Variants in CCDC149 observed in about 807,000 individuals in gnomAD.
CCDC149 encodes coiled-coil domain containing 149.
CCDC149 carries 45 observed loss-of-function variants against 59.9 expected under a neutral mutation model. That is an observed-to-expected ratio of 0.75 (90% CI 0.59 to 0.96). The LOEUF (loss-of-function observed/expected upper bound fraction) is 0.96, where lower values mean the gene tolerates loss of function less well. Ranked by LOEUF, CCDC149 falls within the 40% of genes least tolerant of loss-of-function variation. The pLI is 0.00. For synonymous variants in CCDC149, 245 were observed against 260.6 expected (o/e 0.94, Z 0.58); for missense variants, 584 against 664.7 (o/e 0.88, Z 1.33).
At chr4:24,969,915 C>A (rs182930948) in intron 1 of CCDC149, among the ~76,000 whole-genome samples, 49 of 152,322 alleles carry the variant, frequency 3.2e-4, no homozygotes, top group African/African-American at 1.1e-3. Flanking sequence ...ATGGCCCCTG[C>A]AGTTGACTGT....
intron 1 of CCDC149, among the ~76,000 whole-genome samples, chr4:24,936,514 C>T (rs920527865): frequency 2.8e-4 from 42 of 152,220 alleles, no homozygotes; most frequent in African/African-American, 9.1e-4. Context: ...AAATCAAGGT[C>T]GTTACCATAT....
intron 1 of CCDC149, among the ~76,000 whole-genome samples, chr4:24,882,411 A>G (rs56012859): frequency 0.14 from 21,626 of 152,084 alleles, 2,053 homozygotes; most frequent in Non-Finnish European, 0.21. Flanking sequence ...TCAGTCAAAT[A>G]TTTTCTGGGT....
intron 1 of CCDC149, among the ~76,000 whole-genome samples, chr4:24,948,959 C>T (rs28422939): frequency 0.076 from 11,596 of 152,216 alleles, 1,134 homozygotes; most frequent in African/African-American, 0.23. Flanking sequence ...GTTCATCTTC[C>T]GCCATGATTT....
chr4:24,873,659 T>G (rs1410331881), intron 3 of CCDC149, 22 bp downstream of exon 3: 2 of 1,561,342 alleles, frequency 1.3e-6, no homozygotes, highest in Non-Finnish European at 1.8e-6. Flanking sequence ...TAAAAAAATC[T>G]GAGATCAGAA....
chr4:24,857,319 AGTTAC>A (rs1243927074), intron 3 of CCDC149, among the ~76,000 whole-genome samples: 1 of 152,198 alleles, frequency 6.6e-6, no homozygotes, highest in Non-Finnish European at 1.5e-5. Flanking sequence ...AATAAAAATG[AGTTAC>A]TAGGCAAATA....
At position 24,849,455 on chromosome 4, in the gene CCDC149, G is replaced by C. The variant is rs545930504; in HGVS notation, c.372+3617C>G. 5.9e-5 allele frequency among the ~76,000 whole-genome samples: 9 copies of C among 152,224 alleles called. No homozygotes were observed. In the South Asian group the frequency reaches 8.3e-4, roughly 14 times the overall value. ...GAGCCTAAGAAATTCCTGCGCACTG[G>C]ACAGAGATAGCAGGAGGTAATCAAT... On this transcript the variant is annotated intron_variant, in intron 4 of 12. Coordinates refer to ENST00000635206, the MANE Select transcript of CCDC149 (RefSeq NM_001330643.2).
At chr4:24,820,035 A>C in intron 11 of CCDC149, 60 bp from the exon 12 acceptor site, 2 of 1,246,524 alleles carry the variant, frequency 1.6e-6, no homozygotes, top group South Asian at 2.8e-5. Context: ...GGTTGCATTT[A>C]GTCCCACACA....
chr4:24,937,747 C>A (rs779350199), intron 1 of CCDC149, among the ~76,000 whole-genome samples: 2 of 152,150 alleles, frequency 1.3e-5, no homozygotes, highest in Non-Finnish European at 2.9e-5. Flanking sequence ...CACCTATTGG[C>A]CAGAGTTAGC....
chr4:24,881,651 T>TC (rs1719847508), intron 1 of CCDC149, among the ~76,000 whole-genome samples: 1 of 152,214 alleles, frequency 6.6e-6, no homozygotes, highest in South Asian at 2.1e-4. Context: ...AATGGGACTG[T>TC]CTGGGGGGGA....
intron 12 of CCDC149, among the ~76,000 whole-genome samples, chr4:24,816,565 G>A (rs1258594785): frequency 6.6e-6 from 1 of 152,098 alleles, no homozygotes; most frequent in Non-Finnish European, 1.5e-5. Context: ...AGCTGTGGGT[G>A]TTTTATTTTT....
At chr4:24,874,746 T>C (rs1407828393) in intron 2 of CCDC149, among the ~76,000 whole-genome samples, 1 of 152,238 alleles carries the variant, frequency 6.6e-6, no homozygotes, top group South Asian at 2.1e-4. Context: ...ATCTATTCTA[T>C]TCTATTTCTA....
At chr4:24,874,988 C>T (rs982723270) in intron 2 of CCDC149, among the ~76,000 whole-genome samples, 2 of 152,126 alleles carry the variant, frequency 1.3e-5, no homozygotes, top group African/African-American at 4.8e-5. Context: ...ATGTCCACAC[C>T]GTGTATTACC....
chr4:24,952,500 G>C (rs1560267650), intron 1 of CCDC149, among the ~76,000 whole-genome samples: 1 of 146,710 alleles, frequency 6.8e-6, no homozygotes, highest in Non-Finnish European at 1.5e-5. Context: ...TCTGAGACAG[G>C]AGAATTGCTT....
intron 12 of CCDC149, among the ~76,000 whole-genome samples, chr4:24,815,846 T>G (rs2109096531): frequency 6.6e-6 from 1 of 152,208 alleles, no homozygotes; most frequent in Non-Finnish European, 1.5e-5. Flanking sequence ...AAGCAGTGGG[T>G]GCAGGGGGGT....
At chr4:24,876,460 A>G in intron 2 of CCDC149, 76 bp downstream of exon 2, 3 of 1,464,984 alleles carry the variant, frequency 2.0e-6, no homozygotes, top group African/African-American at 2.8e-5. Flanking sequence ...TTTCTAAAGA[A>G]ACAGCATGTG....
At chr4:24,839,567 T>A (rs1398919342) in intron 4 of CCDC149, among the ~76,000 whole-genome samples, 1 of 152,202 alleles carries the variant, frequency 6.6e-6, no homozygotes, top group African/African-American at 2.4e-5. Context: ...GGAATAAAAT[T>A]GCAGTCTTCC....
chr4:24,970,775 T>C (rs1723944512), intron 1 of CCDC149, among the ~76,000 whole-genome samples: 1 of 152,146 alleles, frequency 6.6e-6, no homozygotes, highest in Non-Finnish European at 1.5e-5. Context: ...TCTCCCCATG[T>C]TGCCCAGACT....
chr4:24,912,927 G>A lies in CCDC149; in HGVS notation c.-48C>T, dbSNP rs763130992. 5.2e-6 allele frequency: 6 copies of A among 1,161,048 alleles called. No individual in the cohort carries two copies. The South Asian group carries it at 7.9e-5, about 15-fold the overall frequency. 71.9% of individuals were successfully genotyped at this position (1,161,048 alleles called of 1,614,324 possible). On this transcript the variant is annotated 5_prime_UTR_variant, in exon 1 of 13. In the 5' UTR this introduces an upstream ATG that the reference lacks. Coordinates refer to ENST00000635206, the MANE Select transcript of CCDC149 (RefSeq NM_001330643.2). The stretch of plus-strand genomic sequence containing the variant: ...CCCGCCGCCTCCTCCTCCTCGCGAC[G>A]TCGCGTCGCCGCCGCCGCCCGGGCC...
At chr4:24,936,966 G>A (rs993166823) in intron 1 of CCDC149, among the ~76,000 whole-genome samples, 11 of 152,196 alleles carry the variant, frequency 7.2e-5, no homozygotes, top group Non-Finnish European at 1.3e-4. Flanking sequence ...CCTGGTTTCC[G>A]AGGTAATTTT....
Sources: gnomAD v4.1 joint callset for allele counts (sites outside exome capture counted in the v4.1 genomes callset) on GRCh38, gnomAD v4.1.1 for gene constraint, MANE v1.5 for transcripts, NCBI Gene and HGNC (gene_info 2026-07-23, HGNC 2026-07-21) for gene names.